The following CADM2 variants were observed in gnomAD, a reference collection of about 807,000 sequenced individuals.
CADM2 encodes the protein immunoglobulin superfamily member 4D.
Under a neutral mutation model 49.8 loss-of-function variants are expected in CADM2, and 12 were observed. The observed-to-expected ratio is 0.24, with a 90% CI of 0.15 to 0.39. CADM2 has a LOEUF of 0.39. CADM2 is among the 10% of genes least tolerant of loss of function. CADM2 has a pLI of 1.00. For synonymous variants in CADM2, 214 were observed against 175.4 expected, an observed-to-expected ratio of 1.22 and a Z score of -1.74; for missense variants, 378 against 492.3, an observed-to-expected ratio of 0.77 and a Z score of 2.20.
intron 1 of CADM2, among the ~76,000 whole-genome samples, chr3:85,039,469 C>A (rs1214208897): frequency 6.6e-6 from 1 of 151,604 alleles, no homozygotes; most frequent in Non-Finnish European, 1.5e-5. Flanking sequence ...TCTAGTAATA[C>A]AGTTTTAGCT....
At chr3:85,298,255 C>T (rs1007269547) in intron 1 of CADM2, among the ~76,000 whole-genome samples, 1 of 152,110 alleles carries the variant, frequency 6.6e-6, no homozygotes, top group East Asian at 1.9e-4. Flanking sequence ...TTGCCTTGAA[C>T]ACAGAGAGAG....
At chr3:85,818,567 T>A (rs1481758834) in intron 3 of CADM2, among the ~76,000 whole-genome samples, 1 of 152,220 alleles carries the variant, frequency 6.6e-6, no homozygotes, top group Non-Finnish European at 1.5e-5. Context: ...AATAGTGTTT[T>A]GTAACTTCTT....
intron 1 of CADM2, among the ~76,000 whole-genome samples, chr3:85,591,861 G>T (rs531055084): frequency 6.6e-6 from 1 of 152,032 alleles, no homozygotes; most frequent in Non-Finnish European, 1.5e-5. Context: ...TTGATGGAAG[G>T]GACTGATGAG....
At chr3:85,472,239 C>T (rs1212468210) in intron 1 of CADM2, among the ~76,000 whole-genome samples, 2 of 151,696 alleles carry the variant, frequency 1.3e-5, no homozygotes, top group African/African-American at 2.4e-5. Flanking sequence ...TGATCTAGGT[C>T]ATTTAGTTGA....
At chr3:85,075,077 A>C (rs1381522900) in intron 1 of CADM2, among the ~76,000 whole-genome samples, 1 of 152,164 alleles carries the variant, frequency 6.6e-6, no homozygotes, top group African/African-American at 2.4e-5. Context: ...AGGGGAAAAA[A>C]GAACAAATAC....
chr3:85,174,301 A>G (rs1361256346), intron 1 of CADM2, among the ~76,000 whole-genome samples: 3 of 152,164 alleles, frequency 2.0e-5, no homozygotes, highest in South Asian at 2.1e-4. Flanking sequence ...CGAAAAGCAC[A>G]TAAGAGTAGT....
intron 1 of CADM2, among the ~76,000 whole-genome samples, chr3:85,140,065 A>G (rs966894977): frequency 1.3e-5 from 2 of 152,170 alleles, no homozygotes; most frequent in African/African-American, 4.8e-5. Flanking sequence ...TAATGATGAT[A>G]TGCTATAAAC....
intron 1 of CADM2, among the ~76,000 whole-genome samples, chr3:85,124,294 C>T (rs989831686): frequency 1.3e-5 from 2 of 152,086 alleles, no homozygotes; most frequent in Admixed American, 1.3e-4. Context: ...TCCAATAAAC[C>T]CAAAATAAAT....
intron 1 of CADM2, among the ~76,000 whole-genome samples, chr3:85,424,017 A>G (rs1233583212): frequency 6.6e-6 from 1 of 152,192 alleles, no homozygotes; most frequent in Non-Finnish European, 1.5e-5. Flanking sequence ...GTAAATCTGC[A>G]TTGCCATAAA....
chr3:85,695,583 G>A (rs2066525860), intron 1 of CADM2, among the ~76,000 whole-genome samples: 2 of 150,400 alleles, frequency 1.3e-5, no homozygotes, highest in South Asian at 4.2e-4. Flanking sequence ...TATATATACG[G>A]GTACGTACAC....
intron 3 of CADM2, among the ~76,000 whole-genome samples, chr3:85,814,751 A>G (rs970986314): frequency 6.6e-6 from 1 of 152,076 alleles, no homozygotes; most frequent in African/African-American, 2.4e-5. Flanking sequence ...TGGTAGTTCT[A>G]TAGAATTCTA....
intron 1 of CADM2, among the ~76,000 whole-genome samples, chr3:85,309,829 G>A (rs1050900415): frequency 1.3e-5 from 2 of 152,082 alleles, no homozygotes; most frequent in African/African-American, 2.4e-5. Flanking sequence ...CTTTACCCCC[G>A]TTTTAAATGC....
In CADM2 at chr3:85,894,493, TA is replaced by T. The variant is rs377430978; in HGVS notation, c.529+8176del. Reference sequence around the variant, plus strand: ...CACATGTACCCTAAAACTTAAAGTATAAAAAAAAAACCCCATTTTCTGGGGA... The same window carrying T: ...CACATGTACCCTAAAACTTAAAGTATAAAAAAAAACCCCATTTTCTGGGGA... On this transcript the variant is annotated intron_variant, in intron 5 of 9. Coordinates refer to ENST00000383699, the MANE Select transcript of CADM2 (RefSeq NM_001167675.2). Among the ~76,000 whole-genome samples the T allele has an allele frequency of 1.0e-2, 1,466 of 147,126 alleles. 14 individuals are homozygous for T. Among genetic ancestry groups the T allele is most frequent in the Middle Eastern group, 0.046 (13 of 284 alleles).
intron 1 of CADM2, among the ~76,000 whole-genome samples, chr3:85,403,514 T>A (rs2035219949): frequency 6.6e-6 from 1 of 152,150 alleles, no homozygotes; most frequent in African/African-American, 2.4e-5. Context: ...TCAGTGATTA[T>A]GTCCTCTGAA....
chr3:85,126,954 A>T (rs1252397546), intron 1 of CADM2, among the ~76,000 whole-genome samples: 1 of 152,140 alleles, frequency 6.6e-6, no homozygotes, highest in South Asian at 2.1e-4. Flanking sequence ...TGGTATGTGC[A>T]TGCATTGCCT....
intron 1 of CADM2, chr3:84,960,374 GAATA>G (rs1375394869): frequency 1.3e-5 from 2 of 150,958 alleles, no homozygotes; most frequent in East Asian, 1.9e-4. Context: ...GTGAATGAAT[GAATA>G]AATAAACCAA....
At chr3:85,846,735 G>A (rs1467161859) in intron 3 of CADM2, among the ~76,000 whole-genome samples, 6 of 151,958 alleles carry the variant, frequency 3.9e-5, no homozygotes, top group Non-Finnish European at 7.4e-5. Flanking sequence ...GGTGGTGCAT[G>A]CCTGTAGTCC....
chr3:85,450,987 A>G (rs1019150370), intron 1 of CADM2, among the ~76,000 whole-genome samples: 4 of 152,040 alleles, frequency 2.6e-5, no homozygotes, highest in Non-Finnish European at 5.9e-5. Context: ...AAACAGCTAG[A>G]CTCATTTAAT....
rs556479962 is a variant in CADM2 at position 84,998,113 on chromosome 3, C to T, written c.61+38445C>T. ...AAACATAAAATCTAACAGAGCCTTC[C>T]TTATCTGTTGTTTCCCACGAGGGTT... is the stretch of plus-strand genomic sequence containing the variant. On this transcript the variant is annotated intron_variant, in intron 1 of 9. Transcript: ENST00000383699. 3.9e-5 allele frequency among the ~76,000 whole-genome samples: 6 copies of T among 152,094 alleles called. 1 individual carries two copies. The highest frequency in any genetic ancestry group is 3.9e-4 in the Admixed American group (6 of 15,234).
Sources: gnomAD v4.1 joint callset for allele counts (sites outside exome capture counted in the v4.1 genomes callset) on GRCh38, gnomAD v4.1.1 for gene constraint, MANE v1.5 for transcripts, NCBI Gene and HGNC (gene_info 2026-07-23, HGNC 2026-07-21) for gene names.